MYRIP: variants seen among roughly 807,000 people sequenced by gnomAD.
MYRIP encodes rab effector MyRIP.
MYRIP carries 49 observed loss-of-function variants against 98.0 expected under a neutral mutation model. That is an observed-to-expected ratio of 0.50 (90% confidence interval 0.40 to 0.63). The LOEUF (loss-of-function observed/expected upper bound fraction) is 0.63. MYRIP is among the 30% of genes least tolerant of loss of function. MYRIP has a pLI of 0.00. For missense variants in MYRIP, 1,004 were observed against 1,058.2 expected (o/e 0.95, Z 0.71); for synonymous variants, 404 against 409.5 (o/e 0.99, Z 0.16).
At chr3:39,910,873 T>G (rs1177135838) in intron 2 of MYRIP, among the ~76,000 whole-genome samples, 1 of 152,226 alleles carries the variant, frequency 6.6e-6, no homozygotes, top group Non-Finnish European at 1.5e-5. Flanking sequence ...GGATTATTCC[T>G]TTTTTATATG....
intron 2 of MYRIP, among the ~76,000 whole-genome samples, chr3:40,000,755 C>T (rs7634199): frequency 0.1 from 15,366 of 152,130 alleles, 1,359 homozygotes; most frequent in African/African-American, 0.23. Flanking sequence ...CATCCCCATT[C>T]GCTGGTCATT....
At chr3:39,918,028 G>A (rs933314113) in intron 2 of MYRIP, among the ~76,000 whole-genome samples, 2 of 151,516 alleles carry the variant, frequency 1.3e-5, no homozygotes, top group Non-Finnish European at 1.5e-5. Context: ...CCAGGTTCAC[G>A]CCATTCTCCT....
intron 5 of MYRIP, among the ~76,000 whole-genome samples, chr3:40,164,000 G>T (rs1338955476): frequency 1.3e-5 from 2 of 149,848 alleles, no homozygotes; most frequent in Non-Finnish European, 3.0e-5. Context: ...GCCCAGCCTT[G>T]ATCTCATCCC....
At chr3:40,253,328 T>C (rs1229768098) in intron 16 of MYRIP, among the ~76,000 whole-genome samples, 1 of 152,206 alleles carries the variant, frequency 6.6e-6, no homozygotes, top group East Asian at 1.9e-4. Flanking sequence ...AAAGGTAGCA[T>C]AATCACTTGT....
chr3:40,005,909 C>T (rs1271003289), intron 2 of MYRIP, among the ~76,000 whole-genome samples: 1 of 152,082 alleles, frequency 6.6e-6, no homozygotes, highest in African/African-American at 2.4e-5. Context: ...GGAGAAAATT[C>T]AGGTGCTTTG....
intron 2 of MYRIP, among the ~76,000 whole-genome samples, chr3:40,023,115 A>G (rs1452459271): frequency 6.6e-6 from 1 of 152,214 alleles, no homozygotes; most frequent in Non-Finnish European, 1.5e-5. Context: ...GGAAAGAAAG[A>G]ATGAAACATG....
intron 11 of MYRIP, among the ~76,000 whole-genome samples, chr3:40,233,287 C>CA: frequency 1.3e-5 from 2 of 152,280 alleles, no homozygotes; most frequent in South Asian, 4.1e-4. Flanking sequence ...AATGGGCTTG[C>CA]AAATAGGTGT....
chr3:39,982,838 A>G (rs1172582665), intron 2 of MYRIP, among the ~76,000 whole-genome samples: 1 of 152,194 alleles, frequency 6.6e-6, no homozygotes, highest in Non-Finnish European at 1.5e-5. Context: ...ATCGTGGTAC[A>G]TTGTCAAAAA....
At chr3:39,953,723 C>T (rs1156879321) in intron 2 of MYRIP, among the ~76,000 whole-genome samples, 1 of 152,160 alleles carries the variant, frequency 6.6e-6, no homozygotes, top group Non-Finnish European at 1.5e-5. Flanking sequence ...CAGGGTGGGG[C>T]ATCGCCTTAC....
intron 3 of MYRIP, among the ~76,000 whole-genome samples, chr3:40,094,901 C>G (rs998529313): frequency 1.3e-5 from 2 of 152,172 alleles, no homozygotes; most frequent in African/African-American, 4.8e-5. Context: ...TTTGCCAGAG[C>G]TCTGGCCCCT....
intron 3 of MYRIP, among the ~76,000 whole-genome samples, chr3:40,061,115 T>C (rs557189560): frequency 9.8e-5 from 15 of 152,346 alleles, no homozygotes; most frequent in African/African-American, 3.6e-4. Context: ...CAAGAGTACA[T>C]GTGAAGGTTT....
intron 3 of MYRIP, among the ~76,000 whole-genome samples, chr3:40,149,456 A>C (rs1489760743): frequency 6.6e-6 from 1 of 152,224 alleles, no homozygotes; most frequent in Admixed American, 6.5e-5. Context: ...CAAATATCCA[A>C]ACTATATCAG....
intron 3 of MYRIP, among the ~76,000 whole-genome samples, chr3:40,086,255 C>T (rs1020558570): frequency 1.3e-5 from 2 of 152,226 alleles, no homozygotes; most frequent in African/African-American, 2.4e-5. Flanking sequence ...ATGACAATAA[C>T]TTCTCACGGT....
intron 4 of MYRIP, among the ~76,000 whole-genome samples, chr3:40,158,372 A>C (rs1372338988): frequency 6.6e-6 from 1 of 151,888 alleles, no homozygotes; most frequent in Non-Finnish European, 1.5e-5. Flanking sequence ...TGTTTGTTAT[A>C]ATTTCTGTTC....
intron 2 of MYRIP, among the ~76,000 whole-genome samples, chr3:39,914,802 GA>G (rs1944113934): frequency 6.6e-6 from 1 of 151,956 alleles, no homozygotes. Context: ...AAATAGTTGA[GA>G]AAAATGGTAT....
At chr3:39,919,594 C>T (rs1276084612) in intron 2 of MYRIP, among the ~76,000 whole-genome samples, 1 of 152,108 alleles carries the variant, frequency 6.6e-6, no homozygotes, top group Admixed American at 6.5e-5. Context: ...GGAATCACAT[C>T]TAAGCGCTTA....
At chr3:40,189,533 G>C (rs1393114414) in intron 9 of MYRIP, among the ~76,000 whole-genome samples, 1 of 152,214 alleles carries the variant, frequency 6.6e-6, no homozygotes, top group Non-Finnish European at 1.5e-5. Flanking sequence ...GGGCAGGAGT[G>C]GGACAGTGCT....
At chr3:40,197,891 T>C (rs1951443462) in intron 10 of MYRIP, among the ~76,000 whole-genome samples, 1 of 152,238 alleles carries the variant, frequency 6.6e-6, no homozygotes, top group Non-Finnish European at 1.5e-5. Flanking sequence ...TTTGCCAATA[T>C]CTAATGCCCA....
chr3:40,046,676 C>G (rs933557434), intron 3 of MYRIP, among the ~76,000 whole-genome samples: 1 of 150,674 alleles, frequency 6.6e-6, no homozygotes, highest in Non-Finnish European at 1.5e-5. Context: ...TGAAGCAGAC[C>G]GCTATTGAAG....
Sources: gnomAD v4.1 joint callset for allele counts (sites outside exome capture counted in the v4.1 genomes callset) on GRCh38, gnomAD v4.1.1 for gene constraint, MANE v1.5 for transcripts, NCBI Gene and HGNC (gene_info 2026-07-23, HGNC 2026-07-21) for gene names.